Variants in ACSL3 observed in about 807,000 individuals in gnomAD.
ACSL3 encodes the protein fatty acid CoA ligase Acsl3.
Under a neutral mutation model 84.7 loss-of-function variants are expected in ACSL3, and 34 were observed. The observed-to-expected ratio is 0.40, with a 90% confidence interval of 0.31 to 0.53. The LOEUF (loss-of-function observed/expected upper bound fraction) is 0.53. Ranked by LOEUF, ACSL3 falls within the 20% of genes least tolerant of loss-of-function variation. The pLI, the probability that ACSL3 is intolerant of heterozygous loss-of-function variation, is 0.48. For missense variants in ACSL3, 680 were observed against 873.1 expected, an observed-to-expected ratio of 0.78 and a Z score of 2.79; for synonymous variants, 315 against 299.4, an observed-to-expected ratio of 1.05 and a Z score of -0.54.
intron 12 of ACSL3, among the ~76,000 whole-genome samples, chr2:222,927,629 G>T (rs1411624915): frequency 6.6e-6 from 1 of 152,178 alleles, no homozygotes; most frequent in Non-Finnish European, 1.5e-5. Context: ...CTAAGTTCTG[G>T]TCTAGGGAAT....
rs1696008954 is a variant in ACSL3, at chr2:222,897,000, G to T, written c.-147-3674G>T. ...TGACCCCCCCACCTCCCTCCTGGACGGGGCGACCGGCCGGGCAGAGGGGCT... is the reference window on the plus strand; with the variant it reads ...TGACCCCCCCACCTCCCTCCTGGACTGGGCGACCGGCCGGGCAGAGGGGCT... On this transcript the variant is annotated intron_variant, in intron 2 of 16. Transcript: ENST00000357430. Among the ~76,000 whole-genome samples, 2 of 18,142 alleles carry T rather than the reference G, an allele frequency of 1.1e-4. 1 individual carries two copies. The highest frequency in any genetic ancestry group is 0.013 in the South Asian group (2 of 154). The allele number at this position is 18,142 out of a possible 152,430, so 11.9% of individuals were successfully genotyped here.
At chr2:222,877,388 T>C (rs1695475759) in intron 1 of ACSL3, among the ~76,000 whole-genome samples, 1 of 152,204 alleles carries the variant, frequency 6.6e-6, no homozygotes, top group South Asian at 2.1e-4. Context: ...GAAAGTTCCA[T>C]GAGGGCAGGA....
Position 222,917,892 on chromosome 2 carries a change from G to A in ACSL3, c.557-154G>A, listed in dbSNP as rs1696626123. 6.5e-6 allele frequency: 3 copies of A among 460,386 alleles called. No homozygotes were observed. The East Asian group carries it at 1.0e-4, about 15-fold the overall frequency. 28.5% of individuals were successfully genotyped at this position (460,386 alleles called of 1,614,324 possible). ...GAGTAGGTGTAATGTTGATTAGTATGATAAGATAACTTTAAAAAACATAAC... is the reference window on the plus strand; with the variant it reads ...GAGTAGGTGTAATGTTGATTAGTATAATAAGATAACTTTAAAAAACATAAC... On this transcript the variant is annotated intron_variant, in intron 5 of 16. Coordinates refer to ENST00000357430, the MANE Select transcript of ACSL3 (RefSeq NM_004457.5).
At chr2:222,891,055 A>G (rs1695834860) in intron 2 of ACSL3, among the ~76,000 whole-genome samples, 1 of 152,244 alleles carries the variant, frequency 6.6e-6, no homozygotes, top group South Asian at 2.1e-4. Flanking sequence ...TGCCAAATGT[A>G]GTACGTAGCT....
At chr2:222,920,563 C>G (rs1246703299) in intron 7 of ACSL3, among the ~76,000 whole-genome samples, 1 of 152,224 alleles carries the variant, frequency 6.6e-6, no homozygotes, top group Admixed American at 6.5e-5. Flanking sequence ...TAGTCCAAAG[C>G]TACCTTTATT....
intron 3 of ACSL3, among the ~76,000 whole-genome samples, chr2:222,903,740 G>A (rs1696217082): frequency 6.6e-6 from 1 of 152,146 alleles, no homozygotes; most frequent in Admixed American, 6.5e-5. Context: ...CTAGATATTA[G>A]CTAAAAATTA....
chr2:222,915,904 A>G (rs889607808), intron 4 of ACSL3, among the ~76,000 whole-genome samples: 5 of 152,356 alleles, frequency 3.3e-5, no homozygotes, highest in East Asian at 1.9e-4. Flanking sequence ...ATTCCTAAAT[A>G]GAGAGAAATT....
chr2:222,873,185 A>C (rs1204321112), intron 1 of ACSL3, among the ~76,000 whole-genome samples: 3 of 152,252 alleles, frequency 2.0e-5, no homozygotes, highest in Non-Finnish European at 4.4e-5. Context: ...TAGCAATGTT[A>C]CAGTTTACCA....
At chr2:222,868,067 C>T (rs183225844) in intron 1 of ACSL3, among the ~76,000 whole-genome samples, 104 of 151,736 alleles carry the variant, frequency 6.9e-4, no homozygotes, top group Non-Finnish European at 8.7e-4. Flanking sequence ...CTTGTAATTC[C>T]ATGCATGACT....
intron 12 of ACSL3, among the ~76,000 whole-genome samples, chr2:222,927,521 G>T (rs1314676320): frequency 6.6e-6 from 1 of 152,136 alleles, no homozygotes; most frequent in African/African-American, 2.4e-5. Context: ...TTTTTATGTA[G>T]AAAACTTAAG....
intron 1 of ACSL3, 37 bp downstream of exon 1, chr2:222,861,295 G>C (rs1383125297): frequency 1.3e-5 from 2 of 152,032 alleles, no homozygotes; most frequent in Non-Finnish European, 2.9e-5. Context: ...GGCGGGAGCC[G>C]GTTGGCGGCG....
chr2:222,915,721 G>A (rs1696563770), intron 4 of ACSL3, among the ~76,000 whole-genome samples: 1 of 152,184 alleles, frequency 6.6e-6, no homozygotes, highest in African/African-American at 2.4e-5. Context: ...GAGGGACTTT[G>A]AATAATATAA....
chr2:222,936,677 G>A (rs890522787), intron 16 of ACSL3, among the ~76,000 whole-genome samples: 1 of 122,758 alleles, frequency 8.1e-6, no homozygotes, highest in African/African-American at 3.2e-5. Flanking sequence ...GTATTAGTCT[G>A]TTCTCACACT....
intron 4 of ACSL3, among the ~76,000 whole-genome samples, chr2:222,916,070 A>G (rs1219247823): frequency 2.6e-5 from 4 of 152,198 alleles, no homozygotes; most frequent in African/African-American, 7.2e-5. Context: ...AATATTTTTG[A>G]AAACCAAAAA....
At chr2:222,912,667 T>A (rs1402943733) in intron 4 of ACSL3, among the ~76,000 whole-genome samples, 1 of 152,176 alleles carries the variant, frequency 6.6e-6, no homozygotes. Context: ...TTCCATCTTA[T>A]CCCAACAGTC....
intron 1 of ACSL3, among the ~76,000 whole-genome samples, chr2:222,883,303 G>A (rs1410061892): frequency 6.6e-6 from 1 of 151,518 alleles, no homozygotes; most frequent in Non-Finnish European, 1.5e-5. Flanking sequence ...GTGTCAGTCA[G>A]CCTCTCTAGT....
At chr2:222,889,493 C>T (rs977365755) in intron 2 of ACSL3, among the ~76,000 whole-genome samples, 1 of 152,196 alleles carries the variant, frequency 6.6e-6, no homozygotes, top group Non-Finnish European at 1.5e-5. Flanking sequence ...TTGGGAATTG[C>T]TTATGTTCAG....
At position 222,939,392 on chromosome 2, in the gene ACSL3, C is replaced by T. The variant is rs866412855; in HGVS notation, c.2006-2105C>T. Among the ~76,000 whole-genome samples the T allele has an allele frequency of 3.0e-4, 46 of 152,158 alleles. 1 individual carries two copies. The highest frequency in any genetic ancestry group is 6.8e-3 in the Middle Eastern group (2 of 294). On this transcript the variant is annotated intron_variant, in intron 16 of 16. Coordinates refer to ENST00000357430, the MANE Select transcript of ACSL3 (RefSeq NM_004457.5). ...TTGCTGGTTTCTACTCAGGAGCTCC[C>T]TCTGGTGTCTGTCTGTGATATTGTG...
intron 15 of ACSL3, 108 bp from the exon 16 acceptor site, chr2:222,934,422 C>A: frequency 1.1e-6 from 1 of 880,812 alleles, no homozygotes; most frequent in Non-Finnish European, 1.6e-6. Flanking sequence ...ATGGCACATG[C>A]ATTTTAAAAA....
Sources: allele counts gnomAD v4.1 joint callset (sites outside exome capture counted in the v4.1 genomes callset), GRCh38; gene constraint gnomAD v4.1.1; transcripts MANE v1.5; gene names NCBI Gene and HGNC (gene_info 2026-07-23, HGNC 2026-07-21).